Variants in MPP3 observed in about 807,000 individuals in gnomAD.
MPP3 encodes MAGUK p55 scaffold protein 3.
A neutral mutation model predicts 80.7 loss-of-function variants in MPP3; 48 were observed. The observed-to-expected ratio is 0.59, with a 90% confidence interval of 0.47 to 0.76. The LOEUF (loss-of-function observed/expected upper bound fraction) is 0.76. Among genes scored for constraint, MPP3 ranks in the 30% least tolerant of loss-of-function variants. The pLI is 0.00. For missense variants in MPP3, 620 were observed against 763.0 expected (o/e 0.81, Z 2.21); for synonymous variants, 311 against 297.6 (o/e 1.04, Z -0.46).
intron 12 of MPP3, among the ~76,000 whole-genome samples, chr17:43,817,526 A>G (rs1391384269): frequency 1.3e-5 from 2 of 152,226 alleles, no homozygotes; most frequent in Admixed American, 6.5e-5. Flanking sequence ...TACTTATACT[A>G]TAATAAAAAC....
chr17:43,831,907 G>A lies in MPP3; in HGVS notation c.-1C>T. On this transcript the variant is annotated 5_prime_UTR_variant, in exon 3 of 20. Coordinates refer to ENST00000398389, the MANE Select transcript of MPP3 (RefSeq NM_001932.6). The stretch of plus-strand genomic sequence containing the variant: ...CAGAGTCCTCCGATAGCACTGGCAT[G>A]CTGGCGTTGTCACCTCCCGACCTCT... 2.5e-6 allele frequency: 4 copies of A among 1,612,878 alleles called. No homozygotes were observed. The highest frequency in any genetic ancestry group is 3.4e-6 in the Non-Finnish European group (4 of 1,179,662).
At position 43,814,258 on chromosome 17, in the gene MPP3, G is replaced by A. The variant is rs774377826; in HGVS notation, c.1113C>T (p.Tyr371=). 47 of 1,613,308 alleles carry A rather than the reference G, an allele frequency of 2.9e-5. No individual in the cohort carries two copies. Among genetic ancestry groups the A allele is most frequent in the South Asian group, 4.4e-5 (4 of 91,074 alleles). ...GGTGTTGGTACCTGGCCACCTCTTC[G>A]TAAGTCAGCAGCTCCGGAGACTCAG... is the stretch of plus-strand genomic sequence containing the variant. ...SGAESPELLT[Y]EEVARYQHQP... Residue 371 remains tyrosine, a synonymous_variant, in exon 15 of 20, where the codon TAC becomes TAT. Coordinates refer to ENST00000398389, the MANE Select transcript of MPP3 (RefSeq NM_001932.6).
intron 11 of MPP3, among the ~76,000 whole-genome samples, chr17:43,819,341 A>G (rs1462677445): frequency 6.6e-6 from 1 of 152,234 alleles, no homozygotes; most frequent in East Asian, 1.9e-4. Flanking sequence ...AATTTGAAAC[A>G]TGAGGAACAG....
chr17:43,812,294 A>C (rs2044899720), intron 16 of MPP3, among the ~76,000 whole-genome samples: 2 of 152,206 alleles, frequency 1.3e-5, no homozygotes, highest in Admixed American at 6.5e-5. Flanking sequence ...CATGGGAACC[A>C]CCCAGGGTAT....
intron 19 of MPP3, among the ~76,000 whole-genome samples, chr17:43,804,685 T>C (rs2044542766): frequency 6.6e-6 from 1 of 152,168 alleles, no homozygotes; most frequent in Non-Finnish European, 1.5e-5. Flanking sequence ...AAAAAATAGA[T>C]ACATTGGACT....
intron 6 of MPP3, 90 bp from the exon 7 acceptor site, chr17:43,829,881 C>T (rs974017048): frequency 1.4e-5 from 23 of 1,586,276 alleles, no homozygotes; most frequent in South Asian, 4.5e-5. Flanking sequence ...GGGTGGCAGA[C>T]GCCATGCCAG....
At chr17:43,809,747 C>T (rs1057035617) in intron 18 of MPP3, among the ~76,000 whole-genome samples, 5 of 152,004 alleles carry the variant, frequency 3.3e-5, no homozygotes, top group East Asian at 1.9e-4. Flanking sequence ...GGCGTGGTGG[C>T]GGGCACCTGT....
intron 7 of MPP3, among the ~76,000 whole-genome samples, chr17:43,829,440 T>TACACAAAGG (rs1177576989): frequency 6.6e-6 from 1 of 152,172 alleles, no homozygotes; most frequent in Non-Finnish European, 1.5e-5. Flanking sequence ...GGTTATTAAC[T>TACACAAAGG]ACACAAAGGG....
chr17:43,825,472 G>A (rs541463420), intron 9 of MPP3: 83 of 324,840 alleles, frequency 2.6e-4, no homozygotes, highest in African/African-American at 1.7e-3. Context: ...TTCACACCCA[G>A]GACCCAGGAC....
intron 19 of MPP3, among the ~76,000 whole-genome samples, chr17:43,804,813 C>T (rs1487468604): frequency 5.9e-5 from 9 of 152,264 alleles, no homozygotes; most frequent in East Asian, 3.9e-4. Context: ...GTCAGGAGTT[C>T]GAGACCAGCC....
intron 6 of MPP3, 82 bp downstream of exon 6, chr17:43,829,945 C>G: frequency 7.1e-6 from 11 of 1,557,190 alleles, no homozygotes; most frequent in Non-Finnish European, 9.7e-6. Flanking sequence ...GTCTCCACTC[C>G]TCAGCCTCAT....
At chr17:43,804,862 G>A (rs970191461) in intron 19 of MPP3, among the ~76,000 whole-genome samples, 4 of 151,984 alleles carry the variant, frequency 2.6e-5, no homozygotes, top group African/African-American at 4.8e-5. Flanking sequence ...CTAAAAATAC[G>A]AAGGAAATTA....
intron 10 of MPP3, 112 bp from the exon 11 acceptor site, chr17:43,821,170 G>C (rs2045443249): frequency 3.0e-6 from 3 of 997,738 alleles, no homozygotes; most frequent in Non-Finnish European, 4.5e-6. Flanking sequence ...AGGACCAAGT[G>C]GCCTTTCAAA....
intron 2 of MPP3, among the ~76,000 whole-genome samples, chr17:43,832,453 C>T (rs2046012319): frequency 6.6e-6 from 1 of 152,146 alleles, no homozygotes; most frequent in Non-Finnish European, 1.5e-5. Flanking sequence ...TCCCCGACCC[C>T]CCAAGACCCA....
rs748848272 is a variant in MPP3 at position 43,815,313 on chromosome 17, C to T, written c.1009+725G>A. On this transcript the variant is annotated intron_variant, in intron 14 of 19. Coordinates refer to ENST00000398389, the MANE Select transcript of MPP3 (RefSeq NM_001932.6). The stretch of plus-strand genomic sequence containing the variant: ...CACCACTGCACTCCAGTGTGGGTAA[C>T]AGAGCAAGACCATATCTCAAAAAAT... 2.0e-5 allele frequency among the ~76,000 whole-genome samples: 3 copies of T among 152,110 alleles called. No homozygotes were observed. In the East Asian group the frequency reaches 5.8e-4, roughly 29 times the overall value.
At position 43,829,770 on chromosome 17, in the gene MPP3, T is replaced by A; in HGVS notation, c.325A>T (p.Thr109Ser). The change falls in exon 7 of 20, where the codon ACG becomes TCG. Residue 109 changes from threonine to serine, a missense_variant. Physicochemically the swap from Thr to Ser is moderately conservative, Grantham distance 58. Coordinates refer to ENST00000398389, the MANE Select transcript of MPP3 (RefSeq NM_001932.6). ...HLRAVLMVHD[T>S]VAQKNFDPVL... ...GGGTCAAAATTCTTCTGGGCAACCG[T>A]GTCATGTACCATGAGCACAGCCTGC... is the stretch of plus-strand genomic sequence containing the variant. 1 of 1,613,812 alleles carries A rather than the reference T, an allele frequency of 6.2e-7. No individual in the cohort carries two copies. The highest frequency in any genetic ancestry group is 2.2e-5 in the East Asian group (1 of 44,882).
At chr17:43,802,451 G>A (rs1171573934) in intron 19 of MPP3, among the ~76,000 whole-genome samples, 2 of 152,162 alleles carry the variant, frequency 1.3e-5, no homozygotes, top group African/African-American at 2.4e-5. Flanking sequence ...GCACAGCAAA[G>A]TGGAGTTATT....
intron 14 of MPP3, 180 bp from the exon 15 acceptor site, chr17:43,814,541 T>C (rs1488311695): frequency 1.8e-6 from 1 of 563,920 alleles, no homozygotes; most frequent in East Asian, 3.0e-5. Context: ...GATGAAAGGG[T>C]GACCCCTGCA....
chr17:43,816,689 G>A lies in MPP3; in HGVS notation c.955C>T (p.Pro319Ser). 1 of 1,577,364 alleles carries A rather than the reference G, an allele frequency of 6.3e-7. No homozygotes were observed. Among genetic ancestry groups the A allele is most frequent in the Non-Finnish European group, 8.6e-7 (1 of 1,160,876 alleles). The change falls in exon 13 of 20, where the codon CCT (proline) becomes TCT (serine). Residue 319 changes from proline to serine, a missense_variant. Physicochemically the swap from Pro to Ser is moderately conservative, Grantham distance 74 (BLOSUM62 -1). Coordinates refer to ENST00000398389, the MANE Select transcript of MPP3 (RefSeq NM_001932.6). ...ATACTGGGCCTACCTTTGTCACAAG[G>A]CTGATCATCTGCGGTTTGCACAAAA... ...QSLRKPPYDQPCDKETCDCEG... is the reference protein window; with the variant it reads ...QSLRKPPYDQSCDKETCDCEG...
Sources: gnomAD v4.1 joint callset for allele counts (sites outside exome capture counted in the v4.1 genomes callset) on GRCh38, gnomAD v4.1.1 for gene constraint, MANE v1.5 for transcripts, NCBI Gene and HGNC (gene_info 2026-07-23, HGNC 2026-07-21) for gene names.